Variants in AMD1 observed in about 807,000 individuals in gnomAD.
AMD1 encodes the protein S-adenosylmethionine decarboxylase proenzyme.
A neutral mutation model predicts 40.2 loss-of-function variants in AMD1; 11 were observed. The observed-to-expected ratio is 0.27, with a 90% CI of 0.17 to 0.45. AMD1 has a LOEUF of 0.45. AMD1 is among the 20% of genes least tolerant of loss of function. The probability of loss-of-function intolerance (pLI) is 1.00; values close to 1 mark genes in which losing one functional copy is unlikely to be tolerated. For missense variants in AMD1, 257 were observed against 410.2 expected, an observed-to-expected ratio of 0.63 and a Z score of 3.23; for synonymous variants, 121 against 130.8, an observed-to-expected ratio of 0.93 and a Z score of 0.51.
the AMD1 span, among the ~76,000 whole-genome samples, chr6:110,833,678 C>G: frequency 6.6e-6 from 1 of 152,288 alleles, no homozygotes; most frequent in East Asian, 1.9e-4. Flanking sequence ...ACTAACTCCT[C>G]TTAAACTCTT....
chr6:110,868,825 G>A, the AMD1 span, among the ~76,000 whole-genome samples: 3 of 152,002 alleles, frequency 2.0e-5, no homozygotes, highest in Non-Finnish European at 4.4e-5. Flanking sequence ...GGAGGCCAAG[G>A]TGGACAGATC....
At chr6:110,849,833 A>T in the AMD1 span, among the ~76,000 whole-genome samples, 1 of 152,154 alleles carries the variant, frequency 6.6e-6, no homozygotes, top group Non-Finnish European at 1.5e-5. Context: ...CAGCCTGAGC[A>T]ACATGGCAAG....
At chr6:110,860,805 AAAAACAAAAAC>A in the AMD1 span, among the ~76,000 whole-genome samples, 1 of 149,512 alleles carries the variant, frequency 6.7e-6, no homozygotes, top group African/African-American at 2.5e-5. Context: ...ATCTCAGAAA[AAAAACAAAAAC>A]AAAACAAAAC....
upstream of AMD1, among the ~76,000 whole-genome samples, chr6:110,873,584 G>A (rs911235501): frequency 6.6e-6 from 1 of 152,168 alleles, no homozygotes; most frequent in East Asian, 1.9e-4. Flanking sequence ...GGATGATAGC[G>A]AAAAGTCCTT....
chr6:110,814,774 G>A, the AMD1 span: 61 of 662,858 alleles, frequency 9.2e-5, no homozygotes, highest in African/African-American at 1.0e-3. Context: ...CCTCTGGGAC[G>A]GGACCGACGC....
chr6:110,851,056 C>T, the AMD1 span, among the ~76,000 whole-genome samples: 15 of 151,426 alleles, frequency 9.9e-5, no homozygotes, highest in Admixed American at 6.6e-4. Flanking sequence ...CTCCACCTCC[C>T]GGGTTCAAGC....
chr6:110,838,673 A>G, the AMD1 span, among the ~76,000 whole-genome samples: 1 of 152,118 alleles, frequency 6.6e-6, no homozygotes, highest in Non-Finnish European at 1.5e-5. Flanking sequence ...ACCCTGGCCA[A>G]CATGGTGAAA....
At chr6:110,870,863 T>C (rs1036798942), upstream of AMD1, among the ~76,000 whole-genome samples, 1 of 152,188 alleles carries the variant, frequency 6.6e-6, no homozygotes, top group African/African-American at 2.4e-5. Flanking sequence ...CTAGACTACC[T>C]GTCTACCTCT....
chr6:110,884,237 C>G (rs1328326748), intron 1 of AMD1, among the ~76,000 whole-genome samples: 2 of 152,162 alleles, frequency 1.3e-5, no homozygotes, highest in Non-Finnish European at 2.9e-5. Flanking sequence ...CTAAACCAAA[C>G]CAGATTGTCT....
the AMD1 span, among the ~76,000 whole-genome samples, chr6:110,823,762 C>T: frequency 6.6e-6 from 1 of 152,036 alleles, no homozygotes; most frequent in African/African-American, 2.4e-5. Flanking sequence ...GAACTCAATC[C>T]CTTTTACAAT....
chr6:110,881,104 C>T (rs1785387119), intron 1 of AMD1, among the ~76,000 whole-genome samples: 1 of 152,082 alleles, frequency 6.6e-6, no homozygotes. Flanking sequence ...AATTTGTGTG[C>T]TGTTATTAAT....
upstream of AMD1, chr6:110,874,735 C>CT (rs1289763134): frequency 6.0e-6 from 1 of 165,518 alleles, no homozygotes; most frequent in African/African-American, 2.4e-5. Flanking sequence ...ACTTCCTGGT[C>CT]TTTTGGGGGG....
At chr6:110,851,537 A>T in the AMD1 span, among the ~76,000 whole-genome samples, 1 of 152,068 alleles carries the variant, frequency 6.6e-6, no homozygotes, top group Non-Finnish European at 1.5e-5. Flanking sequence ...ATCTCCACCC[A>T]CGGCAACCTC....
intron 1 of AMD1, among the ~76,000 whole-genome samples, chr6:110,884,094 C>G (rs1246001746): frequency 6.6e-6 from 1 of 152,220 alleles, no homozygotes; most frequent in Non-Finnish European, 1.5e-5. Flanking sequence ...AATAGACTGC[C>G]TCTCCAGGGC....
In AMD1 at chr6:110,875,229, G is replaced by A. The variant is rs759155969; in HGVS notation, c.110+14G>A. On this transcript the variant is annotated intron_variant, in intron 1 of 8. Transcript: ENST00000368885. ...CACTATCCCAAGGTGGGTCCCCGGG[G>A]CGCTCGCTGACATCCGGGCCTGGGG... 4 of 1,587,000 alleles carry A rather than the reference G, an allele frequency of 2.5e-6. No individual in the cohort carries two copies. The highest frequency in any genetic ancestry group is 2.3e-5 in the South Asian group (2 of 87,952).
chr6:110,887,619 A>G (rs1264280043), intron 2 of AMD1, 28 bp downstream of exon 2: 2 of 1,449,802 alleles, frequency 1.4e-6, no homozygotes, highest in Non-Finnish European at 1.9e-6. Context: ...AGTGTTAGGT[A>G]GCTAATTTCA....
At position 110,875,345 on chromosome 6, in the gene AMD1, CGGCGGCCTTGGAAGGT is replaced by C. The variant is rs976007601; in HGVS notation, c.110+132_110+147del. The stretch of plus-strand genomic sequence containing the variant: ...GCAAGTCTGCGGCCTGGGGTCGCTT[CGGCGGCCTTGGAAGGT>C]GCGCGGTTTGGGGGAGAGCGGCCAT... On this transcript the variant is annotated intron_variant, in intron 1 of 8. Transcript: ENST00000368885. 10 of 775,608 alleles carry C rather than the reference CGGCGGCCTTGGAAGGT, an allele frequency of 1.3e-5. No individual in the cohort carries two copies. In the African/African-American group the frequency reaches 1.7e-4, roughly 13 times the overall value. The allele number at this position is 775,608 out of a possible 1,614,324, so 48.0% of individuals were successfully genotyped here.
the AMD1 span, among the ~76,000 whole-genome samples, chr6:110,852,982 CTT>C: frequency 0.041 from 4,581 of 111,278 alleles, 69 homozygotes; most frequent in Middle Eastern, 0.092. Flanking sequence ...TAATTAAGCA[CTT>C]TTTTTTTTTT....
the AMD1 span, among the ~76,000 whole-genome samples, chr6:110,861,414 C>T: frequency 6.6e-6 from 1 of 150,672 alleles, no homozygotes; most frequent in Non-Finnish European, 1.5e-5. Flanking sequence ...GTCCCAGCTA[C>T]TCAGGAGGCT....
Sources: allele counts gnomAD v4.1 joint callset (sites outside exome capture counted in the v4.1 genomes callset), GRCh38; gene constraint gnomAD v4.1.1; transcripts MANE v1.5; gene names NCBI Gene and HGNC (gene_info 2026-07-23, HGNC 2026-07-21).